The following UBE2V2 variants were observed in gnomAD, a reference collection of about 807,000 sequenced individuals.
UBE2V2 encodes ubiquitin-conjugating enzyme E2 variant 2.
In UBE2V2, 9 loss-of-function variants were observed where a neutral mutation model predicts 17.2. The observed-to-expected ratio is 0.52, with a 90% confidence interval of 0.32 to 0.91. The LOEUF is 0.91. Among genes scored for constraint, UBE2V2 ranks in the 40% least tolerant of loss-of-function variants. The pLI, the probability that UBE2V2 is intolerant of heterozygous loss-of-function variation, is 0.04. For missense variants in UBE2V2, 133 were observed against 182.6 expected (o/e 0.73, Z 1.56); for synonymous variants, 61 against 57.5 (o/e 1.06, Z -0.28).
rs934476641 is a variant in UBE2V2 at position 48,061,027 on chromosome 8, T to G, written c.*199T>G. ...AACAGGAGGAAAAATGCAGCACAAT[T>G]TTTTTTCTCTTGAAAGGCACTGTCA... On this transcript the variant is annotated 3_prime_UTR_variant, in exon 4 of 4. Transcript: ENST00000523111. 2.4e-6 allele frequency: 1 copy of G among 414,576 alleles called. No homozygotes were observed. Among genetic ancestry groups the G allele is most frequent in the African/African-American group, 2.1e-5 (1 of 48,652 alleles). 25.7% of individuals were successfully genotyped at this position (414,576 alleles called of 1,614,324 possible). A position where few individuals can be genotyped will look rare whatever the true frequency, so the allele number is the denominator to read the frequency against.
intron 1 of UBE2V2, among the ~76,000 whole-genome samples, chr8:48,033,834 G>A (rs1204923597): frequency 6.6e-6 from 1 of 152,058 alleles, no homozygotes; most frequent in African/African-American, 2.4e-5. Flanking sequence ...GCATGCGACT[G>A]TAGTCCCAGC....
intron 1 of UBE2V2, among the ~76,000 whole-genome samples, chr8:48,028,382 A>C (rs1445870389): frequency 7.0e-6 from 1 of 143,102 alleles, no homozygotes; most frequent in Admixed American, 7.3e-5. Flanking sequence ...CTCGTTGCCC[A>C]GGCTGGAGTG....
intron 1 of UBE2V2, among the ~76,000 whole-genome samples, chr8:48,008,800 A>G (rs916621567): frequency 2.0e-5 from 3 of 152,078 alleles, no homozygotes; most frequent in Admixed American, 6.5e-5. Flanking sequence ...AGGAGGCCCA[A>G]GGTGGGCGGG....
intron 3 of UBE2V2, chr8:48,050,260 A>T: frequency 6.0e-6 from 1 of 165,864 alleles, no homozygotes; most frequent in Non-Finnish European, 1.3e-5. Context: ...TTTGAAACAG[A>T]GTCTCACTCT....
upstream of UBE2V2, among the ~76,000 whole-genome samples, chr8:48,005,910 T>C (rs193031065): frequency 6.6e-6 from 1 of 152,380 alleles, no homozygotes; most frequent in East Asian, 1.9e-4. Flanking sequence ...ATTCTATATA[T>C]TGGCCCTTTG....
At chr8:48,008,332 G>T (rs541750888), upstream of UBE2V2, 71 of 1,323,670 alleles carry the variant, frequency 5.4e-5, no homozygotes, top group African/African-American at 1.0e-3. Context: ...GCTGTCCCTC[G>T]GGTCGCCCCG....
chr8:48,030,398 T>C (rs1402005142), intron 1 of UBE2V2, among the ~76,000 whole-genome samples: 1 of 152,166 alleles, frequency 6.6e-6, no homozygotes, highest in Non-Finnish European at 1.5e-5. Flanking sequence ...AGAGATTTAA[T>C]AATGAGAAAA....
intron 1 of UBE2V2, among the ~76,000 whole-genome samples, chr8:48,013,680 G>A (rs1177072073): frequency 2.6e-5 from 4 of 152,190 alleles, no homozygotes; most frequent in African/African-American, 9.7e-5. Flanking sequence ...TCTGACTGTA[G>A]ATGCCTGGAA....
chr8:48,046,142 C>A (rs1004773409), intron 2 of UBE2V2, among the ~76,000 whole-genome samples: 1 of 151,304 alleles, frequency 6.6e-6, no homozygotes, highest in Non-Finnish European at 1.5e-5. Flanking sequence ...TTTTTTGAGA[C>A]GGAGTCTTGC....
At chr8:48,033,651 T>C (rs1010838572) in intron 1 of UBE2V2, among the ~76,000 whole-genome samples, 1 of 152,060 alleles carries the variant, frequency 6.6e-6, no homozygotes, top group Non-Finnish European at 1.5e-5. Flanking sequence ...ATCCTGACTA[T>C]AGCAAACTCT....
chr8:48,047,995 G>GTTT (rs11368838), intron 2 of UBE2V2, among the ~76,000 whole-genome samples: 90 of 139,540 alleles, frequency 6.4e-4, no homozygotes, highest in African/African-American at 1.7e-3. Context: ...AGAGCTTTGG[G>GTTT]TTTTTTTTTT....
chr8:48,052,818 G>A (rs1225129713), intron 3 of UBE2V2, among the ~76,000 whole-genome samples: 4 of 152,186 alleles, frequency 2.6e-5, no homozygotes, highest in African/African-American at 7.2e-5. Flanking sequence ...CATGCCTTTC[G>A]TTTGGTCTCA....
At chr8:48,038,677 C>T (rs983635470) in intron 1 of UBE2V2, among the ~76,000 whole-genome samples, 2 of 152,078 alleles carry the variant, frequency 1.3e-5, no homozygotes, top group Non-Finnish European at 2.9e-5. Flanking sequence ...GATGGGGTTT[C>T]ACCATGTTGG....
rs150320149 is a variant in UBE2V2 at position 48,057,662 on chromosome 8, G to A, written c.292-3020G>A. On this transcript the variant is annotated intron_variant, in intron 3 of 3. Transcript: ENST00000523111. ...TTTTTCTGGGGAGGGAGGGAAAGGGGGAGGTAGGAGAGGAGGGTGGTAGGA... is the reference window on the plus strand; with the variant it reads ...TTTTTCTGGGGAGGGAGGGAAAGGGAGAGGTAGGAGAGGAGGGTGGTAGGA... Among the ~76,000 whole-genome samples the A allele has an allele frequency of 2.2e-3, 339 of 152,118 alleles. 2 individuals carry two copies. The highest frequency in any genetic ancestry group is 7.6e-3 in the African/African-American group (317 of 41,518).
In UBE2V2 at chr8:48,025,217, G is replaced by A. The variant is rs547669852; in HGVS notation, c.16+16747G>A. On this transcript the variant is annotated intron_variant, in intron 1 of 3. Coordinates refer to ENST00000523111, the MANE Select transcript of UBE2V2 (RefSeq NM_003350.3). Reference sequence around the variant, plus strand: ...CTCCCAAAGTGCTGGGATTACAGGCGTGAGCCACCATGCCTGGCCAGTGAT... The same window carrying A: ...CTCCCAAAGTGCTGGGATTACAGGCATGAGCCACCATGCCTGGCCAGTGAT... Among the ~76,000 whole-genome samples the A allele has an allele frequency of 5.9e-5, 9 of 151,830 alleles. No homozygotes were observed. The East Asian group carries it at 1.5e-3, about 26-fold the overall frequency.
the UBE2V2 span, among the ~76,000 whole-genome samples, chr8:47,999,831 G>A: frequency 1.3e-5 from 2 of 152,170 alleles, no homozygotes; most frequent in African/African-American, 2.4e-5. Flanking sequence ...CTCAAAAACC[G>A]AGCTCCCCGA....
intron 1 of UBE2V2, among the ~76,000 whole-genome samples, chr8:48,031,455 A>AT (rs1322970885): frequency 6.6e-6 from 1 of 152,154 alleles, no homozygotes; most frequent in South Asian, 2.1e-4. Flanking sequence ...ATAGGTGGTG[A>AT]TTTTTTGGCA....
At position 48,062,317 on chromosome 8, in the gene UBE2V2, T is replaced by C. The variant is rs1802607209; in HGVS notation, c.*1489T>C. On this transcript the variant is annotated 3_prime_UTR_variant, in exon 4 of 4. Transcript: ENST00000523111. Reference sequence around the variant, plus strand: ...AACTTTGCTTATAAAGTATTGGCCATGTGGTGGCTCATGCCGCTAATCCCA... The same window carrying C: ...AACTTTGCTTATAAAGTATTGGCCACGTGGTGGCTCATGCCGCTAATCCCA... The C allele has an allele frequency of 6.6e-6, 1 of 152,192 alleles. No individual in the cohort carries two copies. The highest frequency in any genetic ancestry group is 2.1e-4 in the South Asian group (1 of 4,830). The allele number at this position is 152,192 out of a possible 1,614,324, so 9.4% of individuals were successfully genotyped here. A position where few individuals can be genotyped will look rare whatever the true frequency, so the allele number is the denominator to read the frequency against.
chr8:48,059,181 C>T (rs968066192), intron 3 of UBE2V2, among the ~76,000 whole-genome samples: 9 of 152,072 alleles, frequency 5.9e-5, no homozygotes, highest in East Asian at 3.9e-4. Flanking sequence ...GCAATCCGCC[C>T]GCCTCGGCCT....
Sources: gnomAD v4.1 joint callset for allele counts (sites outside exome capture counted in the v4.1 genomes callset) on GRCh38, gnomAD v4.1.1 for gene constraint, MANE v1.5 for transcripts, NCBI Gene and HGNC (gene_info 2026-07-23, HGNC 2026-07-21) for gene names.